The following UGT1A5 variants were observed in gnomAD, a reference collection of about 807,000 sequenced individuals.
UGT1A5 encodes UDP-glucuronosyltransferase 1A5.
UGT1A5 carries 29 observed loss-of-function variants against 40.3 expected under a neutral mutation model. That is an observed-to-expected ratio of 0.72 (90% CI 0.54 to 0.98). The LOEUF (loss-of-function observed/expected upper bound fraction) is 0.98, where lower values mean the gene tolerates loss of function less well. Among genes scored for constraint, UGT1A5 ranks in the 50% least tolerant of loss-of-function variants. The probability of loss-of-function intolerance (pLI) is 0.00; values close to 1 mark genes in which losing one functional copy is unlikely to be tolerated. For synonymous variants in UGT1A5, 257 were observed against 262.5 expected (o/e 0.98, Z 0.20); for missense variants, 678 against 677.9 (o/e 1.00, Z 0.00).
chr2:233,721,917 A>C (rs2076979949), intron 1 of UGT1A5: 1 of 410,562 alleles, frequency 2.4e-6, no homozygotes, highest in Admixed American at 2.7e-5. Flanking sequence ...CACTGCTTCC[A>C]TAAAGTGACA....
intron 1 of UGT1A5, among the ~76,000 whole-genome samples, chr2:233,764,816 T>C (rs4148326): frequency 0.49 from 74,710 of 151,838 alleles, 18,875 homozygotes; most frequent in African/African-American, 0.6. Flanking sequence ...AACCAAAAAA[T>C]GCAGCATGGT....
intron 1 of UGT1A5, chr2:233,760,610 G>C: frequency 1.2e-6 from 2 of 1,614,182 alleles, no homozygotes; most frequent in Non-Finnish European, 1.7e-6. Context: ...TTCCTGCAGC[G>C]TGTGATCAAA....
chr2:233,731,059 T>C (rs1284464869), intron 1 of UGT1A5, among the ~76,000 whole-genome samples: 2 of 152,240 alleles, frequency 1.3e-5, no homozygotes, highest in African/African-American at 2.4e-5. Flanking sequence ...TGTATGAACT[T>C]CCATGATTTA....
intron 1 of UGT1A5, chr2:233,753,392 A>T (rs1289674788): frequency 6.6e-6 from 1 of 152,232 alleles, no homozygotes; most frequent in Non-Finnish European, 1.5e-5. Flanking sequence ...CTCTGAGGGT[A>T]CTAGAGCATA....
intron 1 of UGT1A5, chr2:233,741,805 CTTAA>C (rs1691775177): frequency 6.6e-6 from 1 of 151,910 alleles, no homozygotes; most frequent in African/African-American, 2.4e-5. Flanking sequence ...GCATGCTGCT[CTTAA>C]TTTTTTTCAG....
chr2:233,724,371 C>T (rs1285685419), intron 1 of UGT1A5, among the ~76,000 whole-genome samples: 4 of 147,620 alleles, frequency 2.7e-5, no homozygotes, highest in African/African-American at 1.0e-4. Flanking sequence ...GACGGGGTGG[C>T]TGCCGGGCGG....
chr2:233,771,102 C>T (rs1210654201), intron 4 of UGT1A5: 9 of 152,162 alleles, frequency 5.9e-5, no homozygotes, highest in Non-Finnish European at 1.3e-4. Context: ...AGGAAGACAG[C>T]ACTAAAGCAC....
At chr2:233,729,463 A>G (rs369094416) in intron 1 of UGT1A5, 48 of 1,614,060 alleles carry the variant, frequency 3.0e-5, no homozygotes, top group African/African-American at 4.0e-5. Flanking sequence ...ATTTTTCAGA[A>G]GTATGGCAAT....
chr2:233,772,941 C>G lies in UGT1A5; in HGVS notation c.*382C>G. The G allele has an allele frequency of 3.0e-6, 1 of 336,190 alleles. No homozygotes were observed. The highest frequency in any genetic ancestry group is 5.5e-6 in the Non-Finnish European group (1 of 182,010). The allele number at this position is 336,190 out of a possible 1,614,324, so 20.8% of individuals were successfully genotyped here. A position where few individuals can be genotyped will look rare whatever the true frequency, so the allele number is the denominator to read the frequency against. ...TGGCAGTTTTAATCTTATCTTTTGG[C>G]TTCTGCAGATGGTTGCAATTGATCC... is the stretch of plus-strand genomic sequence containing the variant. On this transcript the variant is annotated 3_prime_UTR_variant, in exon 5 of 5. Coordinates refer to ENST00000373414, the MANE Select transcript of UGT1A5 (RefSeq NM_019078.2).
At chr2:233,728,754 C>A (rs1442731907) in intron 1 of UGT1A5, among the ~76,000 whole-genome samples, 2 of 152,152 alleles carry the variant, frequency 1.3e-5, no homozygotes, top group Non-Finnish European at 2.9e-5. Flanking sequence ...AATGGTGACT[C>A]CTCAGACCTC....
chr2:233,767,049 AT>A lies in UGT1A5; in HGVS notation c.885del (p.Asn296MetfsTer71). ...KPLSQEFEAY[I>X]NASGEHGIVV... ...CTGGCTCTAGGAATTTGAAGCCTACATTAATGCTTCTGGAGAACATGGAATT... is the reference window on the plus strand; with the variant it reads ...CTGGCTCTAGGAATTTGAAGCCTACATAATGCTTCTGGAGAACATGGAATT... On this transcript the variant is annotated frameshift_variant, in exon 2 of 5. Transcript: ENST00000373414. LOFTEE classifies it high-confidence loss of function. The A allele has an allele frequency of 6.2e-7, 1 of 1,614,146 alleles. No individual in the cohort carries two copies. The highest frequency in any genetic ancestry group is 8.5e-7 in the Non-Finnish European group (1 of 1,180,002).
At chr2:233,713,929 A>C in intron 1 of UGT1A5, 71 bp downstream of exon 1, 1 of 1,611,962 alleles carries the variant, frequency 6.2e-7, no homozygotes, top group African/African-American at 1.3e-5. Flanking sequence ...TTTACTTACA[A>C]GTGCTTCCAT....
intron 1 of UGT1A5, among the ~76,000 whole-genome samples, chr2:233,725,654 C>T (rs918402674): frequency 3.9e-4 from 59 of 152,204 alleles, no homozygotes; most frequent in African/African-American, 1.3e-3. Context: ...TACAGCATAT[C>T]TCAATTTGGA....
At chr2:233,754,832 T>G (rs773754133) in intron 1 of UGT1A5, 4 of 1,342,732 alleles carry the variant, frequency 3.0e-6, no homozygotes, top group Non-Finnish European at 4.0e-6. Context: ...AAGCTGGAAA[T>G]TCACTGAAGG....
intron 1 of UGT1A5, chr2:233,747,659 T>C: frequency 1.9e-6 from 3 of 1,599,022 alleles, no homozygotes; most frequent in Non-Finnish European, 2.6e-6. Flanking sequence ...TCGATGTGGT[T>C]TTAATAGACC....
At chr2:233,734,641 G>A (rs777455810) in intron 1 of UGT1A5, among the ~76,000 whole-genome samples, 2 of 152,096 alleles carry the variant, frequency 1.3e-5, no homozygotes, top group Non-Finnish European at 2.9e-5. Flanking sequence ...GCTTTCTCCT[G>A]TGGGGATTTA....
At chr2:233,720,685 A>G (rs2076880777) in intron 1 of UGT1A5, among the ~76,000 whole-genome samples, 1 of 151,384 alleles carries the variant, frequency 6.6e-6, no homozygotes, top group Non-Finnish European at 1.5e-5. Flanking sequence ...TGGTTTCTAA[A>G]TCCATTAAGG....
chr2:233,734,094 C>T (rs981980802), intron 1 of UGT1A5, among the ~76,000 whole-genome samples: 3 of 151,762 alleles, frequency 2.0e-5, no homozygotes, highest in African/African-American at 7.3e-5. Flanking sequence ...CACCCTAAAA[C>T]TTAAAGTATA....
chr2:233,716,164 G>C (rs1445096027), intron 1 of UGT1A5, among the ~76,000 whole-genome samples: 2 of 152,102 alleles, frequency 1.3e-5, no homozygotes, highest in African/African-American at 4.8e-5. Context: ...TGGAGATGCA[G>C]TGCAGCATCT....
Sources: gnomAD v4.1 joint callset for allele counts (sites outside exome capture counted in the v4.1 genomes callset) on GRCh38, gnomAD v4.1.1 for gene constraint, MANE v1.5 for transcripts, NCBI Gene and HGNC (gene_info 2026-07-23, HGNC 2026-07-21) for gene names.